CNTNAP5: variants seen among roughly 807,000 people sequenced by gnomAD.
CNTNAP5 encodes the protein contactin associated protein family member 5.
Under a neutral mutation model 150.2 loss-of-function variants are expected in CNTNAP5, and 72 were observed. That is an observed-to-expected ratio of 0.48 (90% CI 0.40 to 0.58). The LOEUF (loss-of-function observed/expected upper bound fraction) is 0.58. Among genes scored for constraint, CNTNAP5 ranks in the 20% least tolerant of loss-of-function variants. The probability of loss-of-function intolerance (pLI) is 0.00; values close to 1 mark genes in which losing one functional copy is unlikely to be tolerated. For missense variants in CNTNAP5, 1,636 were observed against 1,626.2 expected (o/e 1.01, Z -0.10); for synonymous variants, 672 against 619.8 (o/e 1.08, Z -1.25).
intron 3 of CNTNAP5, among the ~76,000 whole-genome samples, chr2:124,272,978 C>T (rs1436342049): frequency 6.6e-6 from 1 of 152,152 alleles, no homozygotes; most frequent in Non-Finnish European, 1.5e-5. Flanking sequence ...TAGTTCTTGA[C>T]CCTCTTCTCC....
At chr2:124,299,523 C>CT (rs1688523289) in intron 3 of CNTNAP5, among the ~76,000 whole-genome samples, 1 of 152,158 alleles carries the variant, frequency 6.6e-6, no homozygotes, top group Non-Finnish European at 1.5e-5. Flanking sequence ...TGATCTCATT[C>CT]TTTTTTATGG....
chr2:124,038,235 A>C (rs1314700265), intron 1 of CNTNAP5, among the ~76,000 whole-genome samples: 1 of 152,114 alleles, frequency 6.6e-6, no homozygotes, highest in Non-Finnish European at 1.5e-5. Context: ...ACCTGCTTTC[A>C]TTGTCAGCTG....
chr2:124,883,581 TG>T (rs1188805830), intron 21 of CNTNAP5, among the ~76,000 whole-genome samples: 2 of 152,098 alleles, frequency 1.3e-5, no homozygotes, highest in African/African-American at 2.4e-5. Flanking sequence ...GGTATAGCAA[TG>T]TTTTTTTGTG....
chr2:124,681,609 G>A (rs146298756), intron 13 of CNTNAP5, among the ~76,000 whole-genome samples: 1 of 152,126 alleles, frequency 6.6e-6, no homozygotes, highest in African/African-American at 2.4e-5. Context: ...TGTCGCTCAG[G>A]CCGGAGTGCA....
intron 6 of CNTNAP5, among the ~76,000 whole-genome samples, chr2:124,451,482 G>A (rs1692981577): frequency 6.6e-6 from 1 of 151,874 alleles, no homozygotes; most frequent in Admixed American, 6.6e-5. Flanking sequence ...ATATAATTAT[G>A]TCATCCTCCC....
chr2:124,781,766 C>A (rs1047628253), intron 17 of CNTNAP5, among the ~76,000 whole-genome samples: 2 of 152,164 alleles, frequency 1.3e-5, no homozygotes. Context: ...GAGTCAGGTG[C>A]CCTTTTGCTC....
rs149242561 is a variant in CNTNAP5, at chr2:124,087,450, G to A, written c.82+61718G>A. On this transcript the variant is annotated intron_variant, in intron 1 of 23. Transcript: ENST00000682447. Reference sequence around the variant, plus strand: ...ACTTAAAGAATATTTTTGGCTGGGCGTAGTTGCTCACGTCTGTAATCCCAG... The same window carrying A: ...ACTTAAAGAATATTTTTGGCTGGGCATAGTTGCTCACGTCTGTAATCCCAG... 2.0e-5 allele frequency among the ~76,000 whole-genome samples: 3 copies of A among 151,906 alleles called. No homozygotes were observed. The East Asian group carries it at 5.8e-4, about 29-fold the overall frequency.
At chr2:124,821,384 A>G (rs1174406307) in intron 19 of CNTNAP5, among the ~76,000 whole-genome samples, 4 of 152,218 alleles carry the variant, frequency 2.6e-5, no homozygotes, top group Non-Finnish European at 4.4e-5. Flanking sequence ...AGCAGGCACC[A>G]GAATCACCTG....
intron 1 of CNTNAP5, among the ~76,000 whole-genome samples, chr2:124,207,265 T>C (rs367796234): frequency 6.6e-6 from 1 of 152,134 alleles, no homozygotes; most frequent in African/African-American, 2.4e-5. Context: ...TCCTAACCAC[T>C]TGAGATGGAG....
At chr2:124,583,401 C>T (rs1248733682) in intron 11 of CNTNAP5, among the ~76,000 whole-genome samples, 2 of 152,228 alleles carry the variant, frequency 1.3e-5, no homozygotes, top group African/African-American at 2.4e-5. Context: ...TTTCCCCTCA[C>T]TGGATCTTAA....
intron 1 of CNTNAP5, among the ~76,000 whole-genome samples, chr2:124,052,169 G>A (rs554370258): frequency 2.6e-4 from 40 of 152,258 alleles, no homozygotes; most frequent in African/African-American, 8.7e-4. Context: ...ACACTGGTCT[G>A]CAGATAACAT....
In CNTNAP5 at chr2:124,916,405, T is replaced by C. The variant is rs1261919258; in HGVS notation, c.*2117T>C. 1.3e-5 allele frequency among the ~76,000 whole-genome samples: 2 copies of C among 152,072 alleles called. No individual in the cohort carries two copies. The highest frequency in any genetic ancestry group is 2.9e-5 in the Non-Finnish European group (2 of 67,986). On this transcript the variant is annotated 3_prime_UTR_variant, in exon 24 of 24. Coordinates refer to ENST00000682447, the MANE Select transcript of CNTNAP5 (RefSeq NM_001367498.1). ...TTTCTATTTCCATAAAAAGGCTATATAAATCAGCCTTTTGCTTGGCTATAT... is the reference window on the plus strand; with the variant it reads ...TTTCTATTTCCATAAAAAGGCTATACAAATCAGCCTTTTGCTTGGCTATAT...
Position 124,530,168 on chromosome 2 carries a change from G to A in CNTNAP5, c.1649+2712G>A, listed in dbSNP as rs117046491. Among the ~76,000 whole-genome samples, 23 of 152,214 alleles carry A rather than the reference G, an allele frequency of 1.5e-4. No individual in the cohort carries two copies. The East Asian group carries it at 4.1e-3, about 27-fold the overall frequency. ...CTTTACTAAAAATAAAAACTAGCCA[G>A]GTGTGGTGACACATGTCTGTAATCT... is the stretch of plus-strand genomic sequence containing the variant. On this transcript the variant is annotated intron_variant, in intron 10 of 23. Coordinates refer to ENST00000682447, the MANE Select transcript of CNTNAP5 (RefSeq NM_001367498.1).
intron 1 of CNTNAP5, among the ~76,000 whole-genome samples, chr2:124,209,914 A>G (rs545921307): frequency 1.3e-5 from 2 of 152,226 alleles, no homozygotes; most frequent in South Asian, 4.1e-4. Flanking sequence ...GAGCAAGTGG[A>G]AGGTGATGTG....
chr2:124,374,064 T>TGG (rs1690591322), intron 3 of CNTNAP5, among the ~76,000 whole-genome samples: 1 of 151,800 alleles, frequency 6.6e-6, no homozygotes, highest in Non-Finnish European at 1.5e-5. Context: ...TTTGAGATAC[T>TGG]TAATTCTACA....
rs181379372 is a variant in CNTNAP5, at chr2:124,190,940, G to A, written c.83-30765G>A. ...GTTTTTATCTTCTCATTCTCTGGGAGGATACCACTCCATGTGTCTATTGTT... is the reference window on the plus strand; with the variant it reads ...GTTTTTATCTTCTCATTCTCTGGGAAGATACCACTCCATGTGTCTATTGTT... On this transcript the variant is annotated intron_variant, in intron 1 of 23. Coordinates refer to ENST00000682447, the MANE Select transcript of CNTNAP5 (RefSeq NM_001367498.1). 2.3e-3 allele frequency among the ~76,000 whole-genome samples: 348 copies of A among 152,220 alleles called. 4 individuals are homozygous for A. Among genetic ancestry groups the A allele is most frequent in the Middle Eastern group, 0.014 (4 of 294 alleles).
chr2:124,371,722 C>G (rs1690531966), intron 3 of CNTNAP5, among the ~76,000 whole-genome samples: 1 of 151,822 alleles, frequency 6.6e-6, no homozygotes, highest in Admixed American at 6.6e-5. Context: ...TACAGGAAAT[C>G]ATACATGTAA....
At chr2:124,460,537 A>G (rs969620157) in intron 6 of CNTNAP5, among the ~76,000 whole-genome samples, 7 of 152,202 alleles carry the variant, frequency 4.6e-5, no homozygotes, top group African/African-American at 1.7e-4. Context: ...TAAGCTCATC[A>G]TAAAGGTTGA....
chr2:124,594,550 T>G (rs1219239946), intron 11 of CNTNAP5, among the ~76,000 whole-genome samples: 1 of 145,980 alleles, frequency 6.9e-6, no homozygotes, highest in East Asian at 2.2e-4. Flanking sequence ...CCTTGTAGTA[T>G]AGTTTGAAGT....
Sources: allele counts gnomAD v4.1 joint callset (sites outside exome capture counted in the v4.1 genomes callset), GRCh38; gene constraint gnomAD v4.1.1; transcripts MANE v1.5; gene names NCBI Gene and HGNC (gene_info 2026-07-23, HGNC 2026-07-21).